The following FBXW7 variants were observed in gnomAD, a reference collection of about 807,000 sequenced individuals.
The protein encoded by FBXW7 is F-box/WD repeat-containing protein 7.
Under a neutral mutation model 86.3 loss-of-function variants are expected in FBXW7, and 11 were observed. That is an observed-to-expected ratio of 0.13 (90% CI 0.08 to 0.21). The LOEUF (loss-of-function observed/expected upper bound fraction) is 0.21. FBXW7 is among the 10% of genes least tolerant of loss of function. The pLI, the probability that FBXW7 is intolerant of heterozygous loss-of-function variation, is 1.00. For missense variants in FBXW7, 488 were observed against 847.4 expected, an observed-to-expected ratio of 0.58 and a Z score of 5.27; for synonymous variants, 313 against 297.9, an observed-to-expected ratio of 1.05 and a Z score of -0.52.
At chr4:152,357,465 C>T (rs889415263) in intron 4 of FBXW7, among the ~76,000 whole-genome samples, 3 of 151,660 alleles carry the variant, frequency 2.0e-5, no homozygotes, top group African/African-American at 4.8e-5. Context: ...GGATTACAGT[C>T]GTGTGCCACC....
At chr4:152,501,227 T>C (rs1746917734) in intron 2 of FBXW7, among the ~76,000 whole-genome samples, 1 of 152,200 alleles carries the variant, frequency 6.6e-6, no homozygotes, top group African/African-American at 2.4e-5. Context: ...GGACCATCTC[T>C]AGTGACTAGC....
At chr4:152,429,218 A>C (rs1216603928) in intron 2 of FBXW7, among the ~76,000 whole-genome samples, 1 of 152,192 alleles carries the variant, frequency 6.6e-6, no homozygotes, top group East Asian at 1.9e-4. Flanking sequence ...TTAGAAAGCA[A>C]GAACAATCAA....
chr4:152,417,680 A>C (rs75648374), intron 2 of FBXW7, among the ~76,000 whole-genome samples: 2,079 of 152,198 alleles, frequency 0.014, 26 homozygotes, highest in Middle Eastern at 0.037. Context: ...TGTCCACATG[A>C]GGGAAAGATG....
At chr4:152,370,529 C>T (rs1733917572) in intron 4 of FBXW7, among the ~76,000 whole-genome samples, 3 of 151,886 alleles carry the variant, frequency 2.0e-5, no homozygotes, top group Admixed American at 2.0e-4. Flanking sequence ...TGAATGCAAA[C>T]ATGGAATTCC....
At chr4:152,355,970 T>C (rs540387883) in intron 4 of FBXW7, among the ~76,000 whole-genome samples, 53 of 152,250 alleles carry the variant, frequency 3.5e-4, no homozygotes, top group African/African-American at 1.3e-3. Flanking sequence ...AAATAGTGTA[T>C]ATACAGTGAG....
intron 2 of FBXW7, among the ~76,000 whole-genome samples, chr4:152,444,183 A>G (rs1370934299): frequency 6.6e-6 from 1 of 152,234 alleles, no homozygotes; most frequent in Non-Finnish European, 1.5e-5. Context: ...CTAAGACCAT[A>G]TGCACTATAT....
chr4:152,480,938 A>G (rs901201302), intron 2 of FBXW7, among the ~76,000 whole-genome samples: 2 of 152,262 alleles, frequency 1.3e-5, no homozygotes, highest in African/African-American at 4.8e-5. Flanking sequence ...GAGAAGTTAC[A>G]GCAAGTTATC....
At chr4:152,458,523 G>A (rs1015729076) in intron 2 of FBXW7, among the ~76,000 whole-genome samples, 1 of 152,168 alleles carries the variant, frequency 6.6e-6, no homozygotes, top group South Asian at 2.1e-4. Context: ...GCATTATTAA[G>A]AAGCCAACAC....
chr4:152,456,465 G>A lies in FBXW7; in HGVS notation c.-119-43936C>T, dbSNP rs192302021. ...GCAGGGGGATCACTTGAACTCAGGA[G>A]TTCAAGGCTGCAGTGAGCTATGATC... On this transcript the variant is annotated intron_variant, in intron 2 of 13. Transcript: ENST00000281708. Among the ~76,000 whole-genome samples the A allele has an allele frequency of 2.7e-3, 403 of 150,764 alleles. 1 individual carries two copies. The highest frequency in any genetic ancestry group is 4.4e-3 in the Non-Finnish European group (300 of 67,840).
At chr4:152,335,570 T>C (rs1281678589) in intron 7 of FBXW7, among the ~76,000 whole-genome samples, 6 of 152,242 alleles carry the variant, frequency 3.9e-5, no homozygotes, top group Non-Finnish European at 5.9e-5. Context: ...AAACCCAGAT[T>C]AGTATTTCTT....
intron 2 of FBXW7, among the ~76,000 whole-genome samples, chr4:152,497,123 G>T (rs950960165): frequency 1.3e-5 from 2 of 151,954 alleles, no homozygotes; most frequent in Non-Finnish European, 2.9e-5. Context: ...AGGAGTTGGA[G>T]ACCAGCCTGG....
At chr4:152,463,718 A>G (rs1359100300) in intron 2 of FBXW7, among the ~76,000 whole-genome samples, 1 of 152,240 alleles carries the variant, frequency 6.6e-6, no homozygotes, top group African/African-American at 2.4e-5. Context: ...GAAAGTGGTA[A>G]AACAGGTCAC....
At chr4:152,497,951 C>A (rs1017559473) in intron 2 of FBXW7, among the ~76,000 whole-genome samples, 14 of 151,970 alleles carry the variant, frequency 9.2e-5, no homozygotes, top group Admixed American at 8.5e-4. Flanking sequence ...TAGAAAAAAA[C>A]ACAGGTCATC....
At chr4:152,495,958 C>A (rs1273407768) in intron 2 of FBXW7, among the ~76,000 whole-genome samples, 1 of 152,194 alleles carries the variant, frequency 6.6e-6, no homozygotes, top group Non-Finnish European at 1.5e-5. Context: ...AAGAGGATCG[C>A]TTAATCCCAG....
At chr4:152,410,414 G>T (rs1376003086) in intron 4 of FBXW7, among the ~76,000 whole-genome samples, 1 of 152,186 alleles carries the variant, frequency 6.6e-6, no homozygotes, top group African/African-American at 2.4e-5. Flanking sequence ...TTGAGACAGG[G>T]ATGGTACAAT....
chr4:152,492,441 A>G (rs894701858), intron 2 of FBXW7, among the ~76,000 whole-genome samples: 5 of 152,194 alleles, frequency 3.3e-5, no homozygotes, highest in African/African-American at 9.6e-5. Context: ...GCTTAAATTT[A>G]TAAGAAATTG....
intron 2 of FBXW7, among the ~76,000 whole-genome samples, chr4:152,529,789 G>A (rs2149745787): frequency 6.6e-6 from 1 of 152,212 alleles, no homozygotes; most frequent in East Asian, 1.9e-4. Context: ...GCAACATGAT[G>A]CATGGCCTTT....
At chr4:152,461,614 C>T (rs563155942) in intron 2 of FBXW7, among the ~76,000 whole-genome samples, 1 of 152,316 alleles carries the variant, frequency 6.6e-6, no homozygotes, top group East Asian at 1.9e-4. Flanking sequence ...CAATATCTGG[C>T]TATACTTGGG....
intron 2 of FBXW7, among the ~76,000 whole-genome samples, chr4:152,442,925 T>A (rs777883672): frequency 1.3e-5 from 2 of 152,170 alleles, no homozygotes; most frequent in Non-Finnish European, 2.9e-5. Context: ...AAAGCTCATA[T>A]CTAATTAATA....
Sources: allele counts gnomAD v4.1 joint callset (sites outside exome capture counted in the v4.1 genomes callset), GRCh38; gene constraint gnomAD v4.1.1; transcripts MANE v1.5; gene names NCBI Gene and HGNC (gene_info 2026-07-23, HGNC 2026-07-21).